PDHX: variants seen among roughly 807,000 people sequenced by gnomAD.
PDHX encodes pyruvate dehydrogenase complex component X, also known as pyruvate dehydrogenase protein X component, mitochondrial.
Under a neutral mutation model 55.3 loss-of-function variants are expected in PDHX, and 33 were observed. The observed-to-expected ratio is 0.60, with a 90% CI of 0.45 to 0.80. The LOEUF (loss-of-function observed/expected upper bound fraction) is 0.80. PDHX is among the 30% of genes least tolerant of loss of function. PDHX has a pLI of 0.00. For synonymous variants in PDHX, 226 were observed against 219.4 expected (o/e 1.03, Z -0.27); for missense variants, 622 against 619.9 (o/e 1.00, Z -0.04).
chr11:34,963,172 A>T (rs2133977840), intron 5 of PDHX, among the ~76,000 whole-genome samples: 1 of 152,278 alleles, frequency 6.6e-6, no homozygotes, highest in South Asian at 2.1e-4. Flanking sequence ...CTTTGGAAAA[A>T]ATTTTAGCCT....
At chr11:34,990,668 C>G (rs1374264319) in intron 9 of PDHX, among the ~76,000 whole-genome samples, 1 of 152,176 alleles carries the variant, frequency 6.6e-6, no homozygotes, top group Non-Finnish European at 1.5e-5. Flanking sequence ...AGATTATTCT[C>G]TCTCCCGTTA....
At chr11:34,937,583 A>G (rs144402481) in intron 2 of PDHX, among the ~76,000 whole-genome samples, 2 of 152,322 alleles carry the variant, frequency 1.3e-5, no homozygotes, top group African/African-American at 4.8e-5. Context: ...AACTGATTAT[A>G]GGAGTTGAAG....
intron 5 of PDHX, 49 bp downstream of exon 5, chr11:34,960,567 A>G (rs774501916): frequency 1.8e-6 from 2 of 1,130,782 alleles, no homozygotes; most frequent in Admixed American, 3.6e-5. Flanking sequence ...TATTATGATC[A>G]TGTTTTTTTG....
chr11:34,969,391 T>G (rs1476332995), intron 6 of PDHX, among the ~76,000 whole-genome samples: 1 of 151,636 alleles, frequency 6.6e-6, no homozygotes, highest in Admixed American at 6.6e-5. Flanking sequence ...TCGCCCAGGC[T>G]GGAGTGCAGT....
At chr11:34,963,397 A>C (rs1855061802) in intron 5 of PDHX, among the ~76,000 whole-genome samples, 1 of 151,930 alleles carries the variant, frequency 6.6e-6, no homozygotes, top group Non-Finnish European at 1.5e-5. Flanking sequence ...TATCACCTCA[A>C]CCTCCCAAAT....
chr11:34,969,182 G>A (rs1431964092), intron 6 of PDHX, among the ~76,000 whole-genome samples: 4 of 151,924 alleles, frequency 2.6e-5, no homozygotes, highest in Non-Finnish European at 5.9e-5. Context: ...AGGCTTACCT[G>A]TGATGTTCAG....
At chr11:34,970,018 C>T in intron 6 of PDHX, 121 bp from the exon 7 acceptor site, 1 of 823,312 alleles carries the variant, frequency 1.2e-6, no homozygotes, top group South Asian at 1.5e-5. Flanking sequence ...TTGTGTTAAT[C>T]TTTAATTAAT....
Position 34,957,466 on chromosome 11 carries a change from A to G in PDHX, c.425A>G (p.Glu142Gly). 6.2e-7 allele frequency: 1 copy of G among 1,613,938 alleles called. No homozygotes were observed. Among genetic ancestry groups the G allele is most frequent in the East Asian group, 2.2e-5 (1 of 44,882 alleles). ...GAAGGAGAAGATTGGAAACATGTTG[A>G]AATTCCCAAAGACGTAGGTCCTCCA... ...VEEGEDWKHVEIPKDVGPPPP... is the reference protein window; with the variant it reads ...VEEGEDWKHVGIPKDVGPPPP... The change falls in exon 4 of 11, where the codon GAA becomes GGA. Residue 142 changes from glutamate to glycine, a missense_variant. Physicochemically the swap from Glu to Gly is moderately conservative, Grantham distance 98. Coordinates refer to ENST00000227868, the MANE Select transcript of PDHX (RefSeq NM_003477.3).
In PDHX at chr11:34,980,348, G is replaced by GTTTTTTTTTTTTTT. The variant is rs1319243948; in HGVS notation, c.1023+2169_1023+2170insTTTTTTTTTTTTTT. Among the ~76,000 whole-genome samples, 82 of 30,414 alleles carry GTTTTTTTTTTTTTT rather than the reference G, an allele frequency of 2.7e-3. 4 individuals are homozygous for GTTTTTTTTTTTTTT. The highest frequency in any genetic ancestry group is 3.7e-3 in the Non-Finnish European group (50 of 13,434). The allele number at this position is 30,414 out of a possible 152,430, so 20.0% of individuals were successfully genotyped here. A position where few individuals can be genotyped will look rare whatever the true frequency, so the allele number is the denominator to read the frequency against. On this transcript the variant is annotated intron_variant, in intron 8 of 10. Transcript: ENST00000227868. ...ATTTTTTTTAATAAGGTTTAAGATA[G>GTTTTTTTTTTTTTT]TTTCTTTTTTTTTTTTTTGAGCAGC... is the stretch of plus-strand genomic sequence containing the variant.
At chr11:34,976,891 G>A (rs1201209693) in intron 7 of PDHX, among the ~76,000 whole-genome samples, 1 of 152,100 alleles carries the variant, frequency 6.6e-6, no homozygotes, top group Non-Finnish European at 1.5e-5. Flanking sequence ...AGCTGAGAGA[G>A]CCATGAAAGG....
intron 10 of PDHX, among the ~76,000 whole-genome samples, chr11:34,994,534 A>G (rs375425495): frequency 9.9e-5 from 15 of 152,186 alleles, no homozygotes; most frequent in Non-Finnish European, 2.2e-4. Flanking sequence ...AGTAATTGCA[A>G]TATGATGTTA....
intron 3 of PDHX, among the ~76,000 whole-genome samples, chr11:34,952,860 T>A (rs10742329): frequency 0.8 from 119,073 of 148,438 alleles, 47,999 homozygotes; most frequent in African/African-American, 0.83. Flanking sequence ...GCAGGAGAAG[T>A]AAATAAAGGG....
chr11:34,987,183 T>C (rs1855663982), intron 9 of PDHX, among the ~76,000 whole-genome samples: 1 of 152,150 alleles, frequency 6.6e-6, no homozygotes, highest in Non-Finnish European at 1.5e-5. Context: ...GTCTAATCAT[T>C]CACTTCTTTA....
intron 1 of PDHX, among the ~76,000 whole-genome samples, chr11:34,929,039 C>T (rs1000504078): frequency 2.8e-4 from 43 of 152,182 alleles, no homozygotes; most frequent in African/African-American, 1.0e-3. Flanking sequence ...GTTTCAGCTA[C>T]AGTTATTGAG....
chr11:34,934,688 CCCACCTAAG>C (rs1409552462), intron 2 of PDHX, among the ~76,000 whole-genome samples: 3 of 148,028 alleles, frequency 2.0e-5, no homozygotes, highest in Non-Finnish European at 4.4e-5. Flanking sequence ...GGGTGATTCT[CCCACCTAAG>C]CCTCTTGAGT....
intron 2 of PDHX, among the ~76,000 whole-genome samples, chr11:34,940,357 C>T (rs770692215): frequency 6.6e-6 from 1 of 151,984 alleles, no homozygotes; most frequent in Non-Finnish European, 1.5e-5. Flanking sequence ...AGAAATAAAA[C>T]CATTTTGAAG....
intron 1 of PDHX, among the ~76,000 whole-genome samples, chr11:34,922,199 G>C (rs1853898123): frequency 6.6e-6 from 1 of 152,114 alleles, no homozygotes; most frequent in Non-Finnish European, 1.5e-5. Flanking sequence ...TGTGAAAAAT[G>C]TATAGACTTT....
At chr11:34,944,999 A>G (rs2986403) in intron 2 of PDHX, among the ~76,000 whole-genome samples, 1 of 151,900 alleles carries the variant, frequency 6.6e-6, no homozygotes, top group Admixed American at 6.6e-5. Context: ...TAGATAATCA[A>G]CTTCTTATTT....
upstream of PDHX, chr11:34,916,060 G>C (rs1221064743): frequency 1.1e-6 from 1 of 876,322 alleles, no homozygotes; most frequent in Admixed American, 2.9e-5. Flanking sequence ...TCGCAGCCTT[G>C]CTTCCGAACG....
Sources: gnomAD v4.1 joint callset for allele counts (sites outside exome capture counted in the v4.1 genomes callset) on GRCh38, gnomAD v4.1.1 for gene constraint, MANE v1.5 for transcripts, NCBI Gene and HGNC (gene_info 2026-07-23, HGNC 2026-07-21) for gene names.